DNAH8: variants seen among roughly 807,000 people sequenced by gnomAD.
DNAH8 encodes axonemal beta dynein heavy chain 8.
In DNAH8, 382 loss-of-function variants were observed where a neutral mutation model predicts 562.1. The ratio of observed to expected loss-of-function variants is 0.68; its 90% CI spans 0.63 to 0.74. The LOEUF is 0.74. Among genes scored for constraint, DNAH8 ranks in the 30% least tolerant of loss-of-function variants. DNAH8 has a pLI of 0.00. For missense variants in DNAH8, 5,203 were observed against 5,620.4 expected, an observed-to-expected ratio of 0.93 and a Z score of 2.37; for synonymous variants, 1,881 against 1,919.4, an observed-to-expected ratio of 0.98 and a Z score of 0.52.
chr6:38,720,016 G>GA (rs1490312875), intron 1 of DNAH8, among the ~76,000 whole-genome samples: 8 of 152,082 alleles, frequency 5.3e-5, no homozygotes, highest in Admixed American at 2.0e-4. Context: ...ACAGAGAAGT[G>GA]AAAAAACCTC....
Position 38,737,860 on chromosome 6 carries a change from T to C in DNAH8, c.1004T>C (p.Val335Ala). The C allele has an allele frequency of 6.3e-7, 1 of 1,587,588 alleles. No individual in the cohort carries two copies. Among genetic ancestry groups the C allele is most frequent in the Non-Finnish European group, 8.5e-7 (1 of 1,170,020 alleles). Residue 335 changes from valine to alanine, a missense_variant, in exon 7 of 93, where the codon GTT becomes GCT. Around this residue, in one of 6 missense-constraint regions of DNAH8, gnomAD observed 556 missense variants for 496.9 expected, o/e 1.12. Transcript: ENST00000327475. ...GTVKLKTIDN[V>A]NFSKLHTFEE... ...GTGAAGTTAAAGACAATAGACAATG[T>C]TAATTTTTCCAAACTGCACACCTTT... is the stretch of plus-strand genomic sequence containing the variant.
rs762977041 is a variant in DNAH8, at chr6:38,926,222, T to TCCCC, written c.11118+12_11118+13insCCCC. On this transcript the variant is annotated intron_variant, in intron 74 of 92. Transcript: ENST00000327475. ...AAAATGATTTACAGGTATGTAGCAT[T>TCCCC]TGGTGCAGGGGAAAGTAATCTTGAA... is the stretch of plus-strand genomic sequence containing the variant. 1 of 1,611,846 alleles carries TCCCC rather than the reference T, an allele frequency of 6.2e-7. No individual in the cohort carries two copies.
intron 33 of DNAH8, among the ~76,000 whole-genome samples, chr6:38,841,769 G>A (rs1774817391): frequency 6.6e-6 from 1 of 151,940 alleles, no homozygotes; most frequent in Admixed American, 6.6e-5. Context: ...CCAGGCTGGA[G>A]TGCAGTGGTG....
At chr6:38,990,736 G>A (rs191570963) in intron 88 of DNAH8, among the ~76,000 whole-genome samples, 1 of 152,238 alleles carries the variant, frequency 6.6e-6, no homozygotes, top group East Asian at 1.9e-4. Flanking sequence ...AAAGAGTGGA[G>A]GGGCTCAGCT....
Position 38,890,715 on chromosome 6 carries a change from T to C in DNAH8, c.8537T>C (p.Ile2846Thr). Residue 2846 changes from isoleucine (I) to threonine (T), a missense_variant, in exon 58 of 93, where the codon ATT becomes ACT. This residue lies in a region of DNAH8 where 977 missense variants were observed against 1,061.8 expected (regional missense o/e 0.92). Transcript: ENST00000327475. ...TTCAAGCCTCAAATATGTGAGATGA[T>C]TGTGAATTTAGTCTCAGTGGGTAGA... Reference protein sequence around the residue: ...RSFKPQICEMIVNLVSVGRVL... With the variant: ...RSFKPQICEMTVNLVSVGRVL... 6.2e-7 allele frequency: 1 copy of C among 1,613,952 alleles called. No individual in the cohort carries two copies. Among genetic ancestry groups the C allele is most frequent in the Non-Finnish European group, 8.5e-7 (1 of 1,179,806 alleles).
At chr6:38,956,887 AAT>A (rs1241847281) in intron 82 of DNAH8, among the ~76,000 whole-genome samples, 4 of 152,172 alleles carry the variant, frequency 2.6e-5, no homozygotes, top group African/African-American at 9.7e-5. Flanking sequence ...AGGATCTACA[AAT>A]CAACTAGAAA....
Position 38,850,774 on chromosome 6 carries a change from G to C in DNAH8, c.5363+360G>C, listed in dbSNP as rs113504012. Among the ~76,000 whole-genome samples the C allele has an allele frequency of 4.0e-3, 615 of 152,234 alleles. 3 individuals carry two copies. Among genetic ancestry groups the C allele is most frequent in the African/African-American group, 0.014 (573 of 41,546 alleles). ...CCTCTTTTGGCTTCTGGTGGCTCTA[G>C]GAGTTTCTTGGTTCATGCCTTCATA... On this transcript the variant is annotated intron_variant, in intron 38 of 92. Transcript: ENST00000327475.
At chr6:38,916,965 T>C (rs1781354023) in intron 68 of DNAH8, among the ~76,000 whole-genome samples, 1 of 152,158 alleles carries the variant, frequency 6.6e-6, no homozygotes, top group Admixed American at 6.5e-5. Context: ...AAATGTTACA[T>C]ATCAGTGGGA....
chr6:38,962,989 G>T (rs1762711537), intron 82 of DNAH8, among the ~76,000 whole-genome samples: 2 of 152,146 alleles, frequency 1.3e-5, no homozygotes, highest in African/African-American at 4.8e-5. Flanking sequence ...AGGTTTGAGG[G>T]TGTGAGGGAT....
intron 88 of DNAH8, among the ~76,000 whole-genome samples, chr6:39,007,320 TG>T (rs1765858769): frequency 6.6e-6 from 1 of 152,222 alleles, no homozygotes; most frequent in African/African-American, 2.4e-5. Flanking sequence ...TACAATGGCT[TG>T]TTTTCTGTTC....
At chr6:38,796,487 G>A (rs1201355583) in intron 21 of DNAH8, among the ~76,000 whole-genome samples, 1 of 152,098 alleles carries the variant, frequency 6.6e-6, no homozygotes, top group Non-Finnish European at 1.5e-5. Context: ...TGCCTCCAAA[G>A]AAAGAAGTAA....
At chr6:39,010,574 A>G (rs1001827321) in intron 89 of DNAH8, among the ~76,000 whole-genome samples, 2 of 152,090 alleles carry the variant, frequency 1.3e-5, no homozygotes, top group Non-Finnish European at 2.9e-5. Flanking sequence ...TAAGCAGGAC[A>G]AGGTGATTTG....
At position 38,755,716 on chromosome 6, in the gene DNAH8, A is replaced by G. The variant is rs115222277; in HGVS notation, c.1408-256A>G. 5.5e-3 allele frequency among the ~76,000 whole-genome samples: 840 copies of G among 152,248 alleles called. 10 individuals are homozygous for G. Among genetic ancestry groups the G allele is most frequent in the African/African-American group, 0.019 (804 of 41,562 alleles). On this transcript the variant is annotated intron_variant, in intron 9 of 92. Transcript: ENST00000327475. Reference sequence around the variant, plus strand: ...AGTTCAGATTTACAGAAAAGTTGCAATGATAGCACAGAATTCTCTTTACCC... The same window carrying G: ...AGTTCAGATTTACAGAAAAGTTGCAGTGATAGCACAGAATTCTCTTTACCC...
At chr6:38,894,912 T>C (rs755841804) in intron 59 of DNAH8, 48 bp downstream of exon 59, 6 of 1,524,660 alleles carry the variant, frequency 3.9e-6, no homozygotes, top group Middle Eastern at 1.7e-4. Flanking sequence ...GAGAAGTTTA[T>C]ACTACTTGGT....
rs200114190 is a variant in DNAH8 at position 38,868,213 on chromosome 6, C to G, written c.6828+17C>G. On this transcript the variant is annotated intron_variant, in intron 48 of 92. Coordinates refer to ENST00000327475, the MANE Select transcript of DNAH8 (RefSeq NM_001206927.2). ...TCCAAACTGGTATCTTCTCTGAATT[C>G]TCTTCTTTTCCACAATTTTAATATT... 6.3e-7 allele frequency: 1 copy of G among 1,589,706 alleles called. No individual in the cohort carries two copies.
chr6:38,928,884 A>G (rs1365050543), intron 74 of DNAH8, among the ~76,000 whole-genome samples: 1 of 152,196 alleles, frequency 6.6e-6, no homozygotes, highest in African/African-American at 2.4e-5. Context: ...ATTTTAACTA[A>G]TAACAAACGC....
In DNAH8 at chr6:38,958,283, G is replaced by A. The variant is rs866448390; in HGVS notation, c.12451+6763G>A. 9.2e-5 allele frequency among the ~76,000 whole-genome samples: 14 copies of A among 152,046 alleles called. 1 individual carries two copies. Among genetic ancestry groups the A allele is most frequent in the Middle Eastern group, 3.4e-3 (1 of 294 alleles). ...GCCTCCCAAAGTGCTGGGATTACAG[G>A]CGTGAGCCACCGCGCCCGGCCGATA... On this transcript the variant is annotated intron_variant, in intron 82 of 92. Coordinates refer to ENST00000327475, the MANE Select transcript of DNAH8 (RefSeq NM_001206927.2).
At chr6:39,006,201 T>G (rs747236878) in intron 88 of DNAH8, among the ~76,000 whole-genome samples, 1 of 152,258 alleles carries the variant, frequency 6.6e-6, no homozygotes, top group Non-Finnish European at 1.5e-5. Flanking sequence ...ATTTAGCACC[T>G]ACAGAACTGT....
At position 38,842,920 on chromosome 6, in the gene DNAH8, G is replaced by C. The variant is rs1024739716; in HGVS notation, c.4845+17G>C. The stretch of plus-strand genomic sequence containing the variant: ...GATATTGAGGTACATAAGTGTATAC[G>C]TTCTTATCAATGATCCATTAAAGAA... On this transcript the variant is annotated intron_variant, in intron 35 of 92. Coordinates refer to ENST00000327475, the MANE Select transcript of DNAH8 (RefSeq NM_001206927.2). The C allele has an allele frequency of 1.4e-5, 22 of 1,607,226 alleles. No individual in the cohort carries two copies. The highest frequency in any genetic ancestry group is 1.9e-5 in the Non-Finnish European group (22 of 1,176,746).
Sources: gnomAD v4.1 joint callset for allele counts (sites outside exome capture counted in the v4.1 genomes callset) on GRCh38, gnomAD v4.1.1 for gene constraint, gnomAD v4.1.1 regional missense constraint, MANE v1.5 for transcripts, NCBI Gene and HGNC (gene_info 2026-07-23, HGNC 2026-07-21) for gene names.